The following CSNK2A2IP variants were observed in gnomAD, a reference collection of about 807,000 sequenced individuals.
The protein encoded by CSNK2A2IP is casein kinase 2 subunit alpha' interacting protein.
the CSNK2A2IP span, among the ~76,000 whole-genome samples, chr3:88,386,405 C>T: frequency 2.0e-5 from 3 of 152,154 alleles, no homozygotes; most frequent in Admixed American, 1.3e-4. Flanking sequence ...GGATTACCGG[C>T]GTGAGCCAGC....
the CSNK2A2IP span, among the ~76,000 whole-genome samples, chr3:88,461,914 T>C: frequency 1.3e-5 from 2 of 151,942 alleles, no homozygotes; most frequent in Non-Finnish European, 2.9e-5. Flanking sequence ...CTAATTTGTT[T>C]TTTTTGTAGA....
the CSNK2A2IP span, among the ~76,000 whole-genome samples, chr3:88,345,016 T>C: frequency 2.0e-5 from 3 of 152,146 alleles, no homozygotes; most frequent in East Asian, 5.8e-4. Context: ...GCATTTCCTC[T>C]GATTAATTAT....
the CSNK2A2IP span, among the ~76,000 whole-genome samples, chr3:88,438,202 C>T: frequency 6.6e-6 from 1 of 152,292 alleles, no homozygotes; most frequent in Non-Finnish European, 1.5e-5. Flanking sequence ...CTACTGGCTA[C>T]TGGATTACAT....
the CSNK2A2IP span, among the ~76,000 whole-genome samples, chr3:88,463,117 A>G: frequency 6.6e-6 from 1 of 152,214 alleles, no homozygotes; most frequent in South Asian, 2.1e-4. Flanking sequence ...GGCATGTATA[A>G]GAAATAAATT....
At chr3:88,356,900 T>C in the CSNK2A2IP span, among the ~76,000 whole-genome samples, 4 of 152,326 alleles carry the variant, frequency 2.6e-5, no homozygotes, top group South Asian at 8.3e-4. Context: ...TGTCCTCTTT[T>C]GAGAAATGTC....
chr3:88,369,763 GC>G, the CSNK2A2IP span, among the ~76,000 whole-genome samples: 1 of 151,616 alleles, frequency 6.6e-6, no homozygotes. Flanking sequence ...ACATTCCCTG[GC>G]CACACACAGT....
the CSNK2A2IP span, among the ~76,000 whole-genome samples, chr3:88,372,648 T>A: frequency 4.0e-5 from 6 of 151,522 alleles, no homozygotes; most frequent in East Asian, 9.7e-4. Context: ...TTACCTTAAA[T>A]GTAAACAAAC....
chr3:88,380,778 G>T, the CSNK2A2IP span, among the ~76,000 whole-genome samples: 1 of 152,058 alleles, frequency 6.6e-6, no homozygotes, highest in Non-Finnish European at 1.5e-5. Context: ...TGAAAATATT[G>T]TGTCAGAAAA....
the CSNK2A2IP span, among the ~76,000 whole-genome samples, chr3:88,457,862 G>T: frequency 5.2e-3 from 786 of 151,854 alleles, 10 homozygotes; most frequent in African/African-American, 0.018. Context: ...ACTTGATAGG[G>T]TCATCAACGA....
the CSNK2A2IP span, among the ~76,000 whole-genome samples, chr3:88,430,737 T>A: frequency 6.6e-6 from 1 of 152,036 alleles, no homozygotes; most frequent in East Asian, 1.9e-4. Context: ...AAGGAACAAC[T>A]AAAACGAAGT....
the CSNK2A2IP span, among the ~76,000 whole-genome samples, chr3:88,457,130 T>G: frequency 2.0e-5 from 3 of 152,186 alleles, no homozygotes; most frequent in Non-Finnish European, 4.4e-5. Context: ...CAATATAGAA[T>G]ACCATTTTGC....
the CSNK2A2IP span, chr3:88,431,206 A>G: frequency 6.6e-6 from 1 of 152,216 alleles, no homozygotes; most frequent in Non-Finnish European, 1.5e-5. Context: ...GTCTGAAGGT[A>G]GTGAATTATC....
chr3:88,394,867 T>G, the CSNK2A2IP span, among the ~76,000 whole-genome samples: 35 of 152,286 alleles, frequency 2.3e-4, no homozygotes, highest in Admixed American at 6.5e-4. Flanking sequence ...CAACAGACAC[T>G]GGGGTCTACT....
At chr3:88,374,262 A>G in the CSNK2A2IP span, among the ~76,000 whole-genome samples, 1 of 151,706 alleles carries the variant, frequency 6.6e-6, no homozygotes, top group Non-Finnish European at 1.5e-5. Context: ...GAAGAGCTGT[A>G]TATTTCGGTG....
the CSNK2A2IP span, among the ~76,000 whole-genome samples, chr3:88,377,168 T>G: frequency 4.6e-5 from 7 of 151,944 alleles, no homozygotes; most frequent in South Asian, 1.2e-3. Flanking sequence ...TTATTTCCAC[T>G]GCTGAAGATC....
At chr3:88,438,315 G>C in the CSNK2A2IP span, among the ~76,000 whole-genome samples, 97,751 of 151,874 alleles carry the variant, frequency 0.64, 32,504 homozygotes, top group Non-Finnish European at 0.72. Flanking sequence ...ACTGTAGGAC[G>C]CTGGAAGGGC....
At chr3:88,356,547 C>T in the CSNK2A2IP span, among the ~76,000 whole-genome samples, 1 of 152,036 alleles carries the variant, frequency 6.6e-6, no homozygotes, top group African/African-American at 2.4e-5. Context: ...GTAAATAAAG[C>T]TGTAATAAAA....
chr3:88,354,654 A>G, the CSNK2A2IP span, among the ~76,000 whole-genome samples: 2 of 152,230 alleles, frequency 1.3e-5, no homozygotes, highest in Non-Finnish European at 2.9e-5. Flanking sequence ...AATTACCCTG[A>G]TGGTAGTAGA....
At chr3:88,360,142 T>C in the CSNK2A2IP span, among the ~76,000 whole-genome samples, 1 of 149,352 alleles carries the variant, frequency 6.7e-6, no homozygotes, top group Non-Finnish European at 1.5e-5. Context: ...TTTTTGTCTT[T>C]TTTTTTTTTT....
Sources: allele counts gnomAD v4.1 joint callset (sites outside exome capture counted in the v4.1 genomes callset), GRCh38; gene constraint gnomAD v4.1.1; transcripts MANE v1.5; gene names NCBI Gene and HGNC (gene_info 2026-07-23, HGNC 2026-07-21).